Variants in MED26 observed in about 807,000 individuals in gnomAD.
MED26 encodes the protein mediator of RNA polymerase II transcription subunit 26.
MED26 carries 7 observed loss-of-function variants against 43.7 expected under a neutral mutation model. The observed-to-expected ratio is 0.16, with a 90% confidence interval of 0.09 to 0.30. The LOEUF (loss-of-function observed/expected upper bound fraction) is 0.30. Among genes scored for constraint, MED26 ranks in the 10% least tolerant of loss-of-function variants. The pLI is 1.00. For missense variants in MED26, 784 were observed against 840.6 expected, an observed-to-expected ratio of 0.93 and a Z score of 0.83; for synonymous variants, 375 against 371.1, an observed-to-expected ratio of 1.01 and a Z score of -0.12.
intron 1 of MED26, among the ~76,000 whole-genome samples, chr19:16,619,589 G>A (rs1053822106): frequency 3.3e-5 from 5 of 152,200 alleles, no homozygotes; most frequent in African/African-American, 1.2e-4. Context: ...CTACCGTGCT[G>A]AAGGCACAAG....
At position 16,577,147 on chromosome 19, in the gene MED26, G is replaced by A. The variant is rs750096948; in HGVS notation, c.683C>T (p.Pro228Leu). The A allele has an allele frequency of 3.2e-5, 52 of 1,613,282 alleles. No homozygotes were observed. Among genetic ancestry groups the A allele is most frequent in the Non-Finnish European group, 4.0e-5 (47 of 1,179,904 alleles). ...GCCCAGGCCCGGGGAGCTGGTGTGCGGTCGCACGGCGTTGACGGGGATCTT... is the reference window on the plus strand; with the variant it reads ...GCCCAGGCCCGGGGAGCTGGTGTGCAGTCGCACGGCGTTGACGGGGATCTT... Reference protein sequence around the residue: ...SGKIPVNAVRPHTSSPGLGKP... With the variant: ...SGKIPVNAVRLHTSSPGLGKP... Residue 228 changes from proline (P) to leucine (L), a missense_variant, in exon 3 of 3, where the codon CCG (proline) becomes CTG (leucine). Transcript: ENST00000263390. This position sits in a 1 kb window ranked among gnomAD's most constrained non-coding sequence, Gnocchi z 8.1.
In MED26 at chr19:16,576,960, C is replaced by G; in HGVS notation, c.870G>C (p.Leu290Phe). The G allele has an allele frequency of 6.3e-7, 1 of 1,598,082 alleles. No homozygotes were observed. Among genetic ancestry groups the G allele is most frequent in the Middle Eastern group, 1.7e-4 (1 of 5,992 alleles). The change falls in exon 3 of 3, where the codon TTG (leucine) becomes TTC (phenylalanine). Residue 290 changes from leucine (L) to phenylalanine (F), a missense_variant. Physicochemically the swap from Leu to Phe is conservative, Grantham distance 22 (BLOSUM62 0). Transcript: ENST00000263390. The surrounding 1 kb of genome is among the most constrained non-coding windows in gnomAD (Gnocchi z 6.8). Reference protein sequence around the residue: ...HEGSFARQQSLYAPKGSVPSP... With the variant: ...HEGSFARQQSFYAPKGSVPSP... ...TGGGCACGGAGCCCTTGGGTGCATA[C>G]AAGCTCTGCTGCCGGGCAAAGGAGC...
intron 1 of MED26, chr19:16,610,288 A>G (rs541155972): frequency 6.6e-6 from 1 of 152,100 alleles, no homozygotes; most frequent in Non-Finnish European, 1.5e-5. Context: ...AATAATAATA[A>G]GCAAAACCTT....
rs553383514 is a variant in MED26, at chr19:16,584,113, C to T, written c.73-5704G>A. 3.9e-5 allele frequency among the ~76,000 whole-genome samples: 6 copies of T among 152,102 alleles called. No homozygotes were observed. The South Asian group carries it at 1.0e-3, about 26-fold the overall frequency. Reference sequence around the variant, plus strand: ...GAGAACTTAAAAAGGCTTCCACGGGCGCGGTGGTGTGCACCTGTAATCCCA... The same window carrying T: ...GAGAACTTAAAAAGGCTTCCACGGGTGCGGTGGTGTGCACCTGTAATCCCA... On this transcript the variant is annotated intron_variant, in intron 1 of 2. Coordinates refer to ENST00000263390, the MANE Select transcript of MED26 (RefSeq NM_004831.5).
At chr19:16,593,498 C>G (rs1028581093) in intron 1 of MED26, among the ~76,000 whole-genome samples, 1 of 152,212 alleles carries the variant, frequency 6.6e-6, no homozygotes, top group Non-Finnish European at 1.5e-5. Context: ...CTGTTGCCTC[C>G]TAAGTGCCTA....
chr19:16,580,245 C>T (rs2086038066), intron 1 of MED26, among the ~76,000 whole-genome samples: 1 of 152,214 alleles, frequency 6.6e-6, no homozygotes, highest in African/African-American at 2.4e-5. Flanking sequence ...TAGCATCTTA[C>T]ACAGCACACA....
chr19:16,599,557 A>C (rs1475299299), intron 1 of MED26, among the ~76,000 whole-genome samples: 1 of 152,146 alleles, frequency 6.6e-6, no homozygotes, highest in East Asian at 1.9e-4. Flanking sequence ...TCCCATATTA[A>C]AAGGGGGTGA....
chr19:16,624,316 G>A (rs1451821588), intron 1 of MED26: 1 of 152,178 alleles, frequency 6.6e-6, no homozygotes, highest in Admixed American at 6.5e-5. Context: ...TTCTTGCTGT[G>A]TCTCTCTGCA....
intron 1 of MED26, among the ~76,000 whole-genome samples, chr19:16,583,293 A>G (rs1369346997): frequency 6.6e-6 from 1 of 152,224 alleles, no homozygotes; most frequent in Non-Finnish European, 1.5e-5. Context: ...TGCTTTCCCA[A>G]AGGGGCAGGA....
Position 16,628,118 on chromosome 19 carries a change from C to T in MED26, c.-175G>A. On this transcript the variant is annotated 5_prime_UTR_variant, in exon 1 of 3. Transcript: ENST00000263390. ...GGGGAGCCGGGGCCGGGTCTCGGTC[C>T]CGGGCCGCCGCCGCCACCAAAGGAG... 1 of 374,668 alleles carries T rather than the reference C, an allele frequency of 2.7e-6. No individual in the cohort carries two copies. Among genetic ancestry groups the T allele is most frequent in the Non-Finnish European group, 4.7e-6 (1 of 212,600 alleles). The allele number at this position is 374,668 out of a possible 1,614,324, so 23.2% of individuals were successfully genotyped here.
rs1174094894 is a variant in MED26 at position 16,577,449 on chromosome 19, C to T, written c.381G>A (p.Leu127=). 6 of 1,593,372 alleles carry T rather than the reference C, an allele frequency of 3.8e-6. No homozygotes were observed. Among genetic ancestry groups the T allele is most frequent in the East Asian group, 4.5e-5 (2 of 44,350 alleles). The change falls in exon 3 of 3, where the codon CTG becomes CTA. Residue 127 remains leucine, a synonymous_variant. Coordinates refer to ENST00000263390, the MANE Select transcript of MED26 (RefSeq NM_004831.5). This position sits in a 1 kb window ranked among gnomAD's most constrained non-coding sequence, Gnocchi z 8.1. ...AAGPPRSIHD[L]KSRNDLQRLP... is the part of the protein sequence containing the mutation. Reference sequence around the variant, plus strand: ...GCCTCTGGAGGTCATTGCGGCTCTTCAGGTCATGGATGCTCCTGGGTGGGC... The same window carrying T: ...GCCTCTGGAGGTCATTGCGGCTCTTTAGGTCATGGATGCTCCTGGGTGGGC...
chr19:16,625,023 G>GT (rs1437715719), intron 1 of MED26, among the ~76,000 whole-genome samples: 1 of 152,218 alleles, frequency 6.6e-6, no homozygotes, highest in Non-Finnish European at 1.5e-5. Context: ...CTGTGCGAGA[G>GT]TAAGACACAG....
intron 1 of MED26, chr19:16,611,437 G>C (rs2086198898): frequency 6.6e-6 from 1 of 152,178 alleles, no homozygotes; most frequent in South Asian, 2.1e-4. Context: ...TCCACTGATT[G>C]CAGTACATAG....
intron 1 of MED26, among the ~76,000 whole-genome samples, chr19:16,616,050 A>G (rs898096455): frequency 6.6e-6 from 1 of 152,124 alleles, no homozygotes; most frequent in African/African-American, 2.4e-5. Flanking sequence ...TAACCATCCA[A>G]TGGGCATGGA....
chr19:16,599,684 G>A (rs910359698), intron 1 of MED26, among the ~76,000 whole-genome samples: 4 of 151,994 alleles, frequency 2.6e-5, no homozygotes, highest in Non-Finnish European at 4.4e-5. Context: ...CAGGCTTAAC[G>A]GATTCCCTCA....
At chr19:16,607,219 AAGTT>A (rs2086177700) in intron 1 of MED26, among the ~76,000 whole-genome samples, 1 of 152,126 alleles carries the variant, frequency 6.6e-6, no homozygotes, top group Admixed American at 6.5e-5. Flanking sequence ...AAAAATTAAA[AAGTT>A]AGCCGGGTGT....
intron 1 of MED26, among the ~76,000 whole-genome samples, chr19:16,593,910 G>A (rs748403948): frequency 2.0e-5 from 3 of 152,166 alleles, no homozygotes; most frequent in Non-Finnish European, 4.4e-5. Flanking sequence ...AAGGCTCAAC[G>A]TGTTTTGAGA....
chr19:16,593,561 A>G (rs2086107580), intron 1 of MED26, among the ~76,000 whole-genome samples: 1 of 152,200 alleles, frequency 6.6e-6, no homozygotes, highest in African/African-American at 2.4e-5. Flanking sequence ...TGATGGGTGG[A>G]TGAAGTCCCT....
Position 16,577,413 on chromosome 19 carries a change from C to T in MED26, c.417G>A (p.Gln139=). ...SRNDLQRLPG[Q]RLDRLGSRKR... is the part of the protein sequence containing the mutation. The stretch of plus-strand genomic sequence containing the variant: ...TGCGGCTGCCCAGCCTGTCCAGCCG[C>T]TGCCCGGGCAGCCTCTGGAGGTCAT... Residue 139 remains glutamine, a synonymous_variant, in exon 3 of 3, where the codon CAG becomes CAA. Transcript: ENST00000263390. The surrounding 1 kb of genome is among the most constrained non-coding windows in gnomAD (Gnocchi z 8.1). The T allele has an allele frequency of 6.2e-7, 1 of 1,602,904 alleles. No individual in the cohort carries two copies. The highest frequency in any genetic ancestry group is 1.7e-5 in the Admixed American group (1 of 59,484).
Sources: allele counts gnomAD v4.1 joint callset (sites outside exome capture counted in the v4.1 genomes callset), GRCh38; gene constraint gnomAD v4.1.1; non-coding constraint Gnocchi (gnomAD v3.1); transcripts MANE v1.5; gene names NCBI Gene and HGNC (gene_info 2026-07-23, HGNC 2026-07-21).